Variants in RIC3 observed in about 807,000 individuals in gnomAD.
The protein encoded by RIC3 is RIC3 acetylcholine receptor chaperone.
RIC3 carries 28 observed loss-of-function variants against 27.3 expected under a neutral mutation model. The ratio of observed to expected loss-of-function variants is 1.02; its 90% CI spans 0.76 to 1.41. The LOEUF (loss-of-function observed/expected upper bound fraction) is 1.41, where lower values mean the gene tolerates loss of function less well. Among genes scored for constraint, RIC3 ranks in the 40% most tolerant of loss-of-function variants. The probability of loss-of-function intolerance (pLI) is 0.00; values close to 1 mark genes in which losing one functional copy is unlikely to be tolerated. For missense variants in RIC3, 501 were observed against 444.7 expected (o/e 1.13, Z -1.14); for synonymous variants, 184 against 160.4 (o/e 1.15, Z -1.11).
intron 4 of RIC3, chr11:8,135,599 T>C (rs1158846204): frequency 6.6e-6 from 1 of 152,222 alleles, no homozygotes; most frequent in African/African-American, 2.4e-5. Context: ...ACGATATTGA[T>C]TCTTCCTATC....
At chr11:8,101,655 G>A (rs752122360), downstream of RIC3, 4 of 1,610,358 alleles carry the variant, frequency 2.5e-6, no homozygotes, top group East Asian at 2.2e-5. Flanking sequence ...GCCCAGCCTG[G>A]AGCGGAGCTT....
chr11:8,155,520 G>A (rs1950589692), intron 1 of RIC3, among the ~76,000 whole-genome samples: 1 of 152,098 alleles, frequency 6.6e-6, no homozygotes, highest in South Asian at 2.1e-4. Flanking sequence ...AGGTTGCAGT[G>A]AGCCAAAATC....
chr11:8,153,274 A>G (rs550962685), intron 1 of RIC3: 2 of 348,910 alleles, frequency 5.7e-6, no homozygotes, highest in East Asian at 7.9e-5. Context: ...GACAGACACT[A>G]TGTCAGGCTC....
At chr11:8,097,691 A>G in the RIC3 span, 13 of 1,581,232 alleles carry the variant, frequency 8.2e-6, no homozygotes, top group Non-Finnish European at 1.0e-5. Context: ...AGTCTGGAAT[A>G]TGACCTCATT....
intron 4 of RIC3, among the ~76,000 whole-genome samples, chr11:8,129,245 T>C (rs1234024723): frequency 1.3e-5 from 2 of 151,924 alleles, no homozygotes; most frequent in Non-Finnish European, 2.9e-5. Flanking sequence ...TGACTCACTT[T>C]TTTCCACCCA....
chr11:8,139,898 G>T, intron 2 of RIC3, 69 bp downstream of exon 2: 2 of 1,372,082 alleles, frequency 1.5e-6, no homozygotes, highest in Non-Finnish European at 2.0e-6. Flanking sequence ...AAGTTTTAAT[G>T]TAGACAATGA....
intron 1 of RIC3, among the ~76,000 whole-genome samples, chr11:8,160,334 C>T (rs1951059107): frequency 6.6e-6 from 1 of 152,188 alleles, no homozygotes; most frequent in Admixed American, 6.5e-5. Context: ...CATTTTACTA[C>T]TCTCTCAACT....
At chr11:8,127,222 G>A (rs1450736256) in intron 4 of RIC3, among the ~76,000 whole-genome samples, 1 of 152,082 alleles carries the variant, frequency 6.6e-6, no homozygotes, top group African/African-American at 2.4e-5. Context: ...AAAGGAAAAC[G>A]TTCTGGGCCA....
At chr11:8,122,425 C>G (rs1423004467) in intron 5 of RIC3, among the ~76,000 whole-genome samples, 1 of 151,062 alleles carries the variant, frequency 6.6e-6, no homozygotes, top group African/African-American at 2.4e-5. Context: ...TAGTTCATTC[C>G]TTTTTATTGC....
intron 5 of RIC3, among the ~76,000 whole-genome samples, chr11:8,119,749 T>A (rs1946245353): frequency 6.6e-6 from 1 of 151,994 alleles, no homozygotes; most frequent in Admixed American, 6.6e-5. Context: ...ACCATCAGAG[T>A]GAACAGGCAA....
At chr11:8,156,461 T>C (rs1950660576) in intron 1 of RIC3, among the ~76,000 whole-genome samples, 1 of 152,226 alleles carries the variant, frequency 6.6e-6, no homozygotes, top group African/African-American at 2.4e-5. Context: ...ATATCATATA[T>C]ACAAAGCACC....
chr11:8,115,272 G>A (rs1405883416), intron 5 of RIC3, among the ~76,000 whole-genome samples: 3 of 150,212 alleles, frequency 2.0e-5, no homozygotes, highest in Non-Finnish European at 3.0e-5. Flanking sequence ...GAAAAGAGTG[G>A]GATAATATAT....
intron 1 of RIC3, among the ~76,000 whole-genome samples, chr11:8,161,446 C>T (rs1429339938): frequency 6.6e-6 from 1 of 152,234 alleles, no homozygotes; most frequent in African/African-American, 2.4e-5. Flanking sequence ...CTCTCCCTCA[C>T]TTTCCCATTC....
Position 8,110,819 on chromosome 11 carries a change from T to C in RIC3, c.989A>G (p.Gln330Arg), listed in dbSNP as rs1945158647. 1.2e-6 allele frequency: 2 copies of C among 1,614,138 alleles called. No homozygotes were observed. Among genetic ancestry groups the C allele is most frequent in the East Asian group, 4.5e-5 (2 of 44,906 alleles). The change falls in exon 6 of 6, where the codon CAA becomes CGA. Residue 330 changes from glutamine (Q) to arginine (R), a missense_variant. By Grantham distance (43) the Gln-to-Arg change is conservative. Transcript: ENST00000309737. ...AGFSADSYPE[Q>R]EETTKEEWSQ... ...CCACTCTTCTTTGGTGGTTTCCTCTTGCTCAGGGTAGCTATCTGCACTGAA... is the reference window on the plus strand; with the variant it reads ...CCACTCTTCTTTGGTGGTTTCCTCTCGCTCAGGGTAGCTATCTGCACTGAA...
the RIC3 span, chr11:8,097,194 T>C: frequency 1.5e-5 from 24 of 1,612,288 alleles, no homozygotes; most frequent in Middle Eastern, 1.9e-4. Context: ...CTTAGGGTCC[T>C]TGGGGCTCAG....
At chr11:8,168,812 G>C in intron 1 of RIC3, 54 bp downstream of exon 1, 1 of 1,569,326 alleles carries the variant, frequency 6.4e-7, no homozygotes, top group Non-Finnish European at 8.6e-7. Flanking sequence ...CTCAAGCAGC[G>C]TTCTCCGTAC....
At position 8,107,721 on chromosome 11, in the gene RIC3, G is replaced by C. The variant is rs1204648317; in HGVS notation, c.*2977C>G. 1 of 152,168 alleles carries C rather than the reference G, an allele frequency of 6.6e-6. No individual in the cohort carries two copies. The highest frequency in any genetic ancestry group is 1.5e-5 in the Non-Finnish European group (1 of 68,048). 9.4% of individuals were successfully genotyped at this position (152,168 alleles called of 1,614,324 possible). ...AATGGTTTCTTTGTGCTCCTGTTGTGACCAGGAAAGGGGATCTCCTGGCTG... is the reference window on the plus strand; with the variant it reads ...AATGGTTTCTTTGTGCTCCTGTTGTCACCAGGAAAGGGGATCTCCTGGCTG... On this transcript the variant is annotated 3_prime_UTR_variant, in exon 6 of 6. Coordinates refer to ENST00000309737, the MANE Select transcript of RIC3 (RefSeq NM_001206671.4).
Position 8,110,314 on chromosome 11 carries a change from G to A in RIC3, c.*384C>T. On this transcript the variant is annotated 3_prime_UTR_variant, in exon 6 of 6. Transcript: ENST00000309737. Reference sequence around the variant, plus strand: ...GAAATCTTCATTCTTGCAACCTTAAGTCCTCATCATCTGTAAGCTGATGTT... The same window carrying A: ...GAAATCTTCATTCTTGCAACCTTAAATCCTCATCATCTGTAAGCTGATGTT... 1 of 345,126 alleles carries A rather than the reference G, an allele frequency of 2.9e-6. No individual in the cohort carries two copies. The highest frequency in any genetic ancestry group is 5.6e-6 in the Non-Finnish European group (1 of 178,884). 21.4% of individuals were successfully genotyped at this position (345,126 alleles called of 1,614,324 possible).
chr11:8,138,138 G>A (rs1948621171), intron 3 of RIC3, 134 bp downstream of exon 3: 1 of 596,666 alleles, frequency 1.7e-6, no homozygotes. Context: ...CCAGAACTAA[G>A]GCAAAAATGG....
Sources: gnomAD v4.1 joint callset for allele counts (sites outside exome capture counted in the v4.1 genomes callset) on GRCh38, gnomAD v4.1.1 for gene constraint, MANE v1.5 for transcripts, NCBI Gene and HGNC (gene_info 2026-07-23, HGNC 2026-07-21) for gene names.